The following ARHGAP40 variants were observed in gnomAD, a reference collection of about 807,000 sequenced individuals.
ARHGAP40 encodes Rho GTPase activating protein 40.
ARHGAP40 carries 43 observed loss-of-function variants against 73.5 expected under a neutral mutation model. That is an observed-to-expected ratio of 0.58 (90% CI 0.46 to 0.75). ARHGAP40 has a LOEUF of 0.75. ARHGAP40 is among the 30% of genes least tolerant of loss of function. ARHGAP40 has a pLI of 0.00. For synonymous variants in ARHGAP40, 300 were observed against 352.8 expected, an observed-to-expected ratio of 0.85 and a Z score of 1.68; for missense variants, 734 against 861.8, an observed-to-expected ratio of 0.85 and a Z score of 1.86.
In ARHGAP40 at chr20:38,641,136, C is replaced by T. The variant is rs116455565; in HGVS notation, c.1280-590C>T. On this transcript the variant is annotated intron_variant, in intron 9 of 14. Transcript: ENST00000373345. ...GGTAGGTAGGTAGGTCATATGGGGT[C>T]GCAGGCCTGGCGCCCAGGGTGCTCA... Among the ~76,000 whole-genome samples the T allele has an allele frequency of 7.4e-3, 1,120 of 151,978 alleles. 13 individuals are homozygous for T. Among genetic ancestry groups the T allele is most frequent in the African/African-American group, 0.025 (1,030 of 41,412 alleles).
At position 38,646,816 on chromosome 20, in the gene ARHGAP40, C is replaced by T. The variant is rs1337559795; in HGVS notation, c.1711-141C>T. On this transcript the variant is annotated intron_variant, in intron 12 of 14. Transcript: ENST00000373345. This position sits in a 1 kb window ranked among gnomAD's most constrained non-coding sequence, Gnocchi z 4.5. ...TGTCTGTGATCTGTGCCCAAGTGTCCGGTATGCGTGTGTGTGTATCTTGTG... is the reference window on the plus strand; with the variant it reads ...TGTCTGTGATCTGTGCCCAAGTGTCTGGTATGCGTGTGTGTGTATCTTGTG... The T allele has an allele frequency of 1.3e-5, 9 of 677,716 alleles. No individual in the cohort carries two copies. Among genetic ancestry groups the T allele is most frequent in the African/African-American group, 5.7e-5 (3 of 52,534 alleles). 42.0% of individuals were successfully genotyped at this position (677,716 alleles called of 1,614,324 possible).
chr20:38,641,576 A>T, intron 9 of ARHGAP40, 150 bp from the exon 10 acceptor site: 1 of 417,042 alleles, frequency 2.4e-6, no homozygotes, highest in Non-Finnish European at 4.1e-6. Context: ...AGCCAACATT[A>T]GACAAGGAAA....
chr20:38,647,431 C>T (rs1055321407), intron 13 of ARHGAP40, among the ~76,000 whole-genome samples: 1 of 152,138 alleles, frequency 6.6e-6, no homozygotes, highest in African/African-American at 2.4e-5. Flanking sequence ...AGCTCTGTCA[C>T]CCAGGCTGGA....
At chr20:38,638,641 C>G in intron 7 of ARHGAP40, 120 bp from the exon 8 acceptor site, 1 of 638,972 alleles carries the variant, frequency 1.6e-6, no homozygotes, top group African/African-American at 1.9e-5. Context: ...AATATTATTC[C>G]GAAGGAAACC....
chr20:38,617,272 C>T lies in ARHGAP40; in HGVS notation c.138-6087C>T, dbSNP rs554484276. 2.6e-5 allele frequency among the ~76,000 whole-genome samples: 4 copies of T among 152,322 alleles called. No individual in the cohort carries two copies. The South Asian group carries it at 6.2e-4, about 24-fold the overall frequency. On this transcript the variant is annotated intron_variant, in intron 1 of 14. Coordinates refer to ENST00000373345, the Ensembl canonical transcript of ARHGAP40. ...CTTTCGGCTTCCCTGAACAGGCTCT[C>T]GGCTTCGCTGAGCAGGCTCTTGCTT...
chr20:38,648,185 C>G (rs1181102980), intron 13 of ARHGAP40, among the ~76,000 whole-genome samples: 1 of 152,194 alleles, frequency 6.6e-6, no homozygotes, highest in Admixed American at 6.5e-5. Flanking sequence ...GAAAAGAGGC[C>G]ATGGAATTGA....
intron 3 of ARHGAP40, among the ~76,000 whole-genome samples, 164 bp from the exon 4 acceptor site, chr20:38,628,763 C>A (rs2088918755): frequency 6.6e-6 from 1 of 152,158 alleles, no homozygotes; most frequent in South Asian, 2.1e-4. Flanking sequence ...GTGCCCATTC[C>A]CCGACTTAGC....
chr20:38,606,587 A>T (rs1439379580), intron 1 of ARHGAP40, among the ~76,000 whole-genome samples: 2 of 152,166 alleles, frequency 1.3e-5, no homozygotes, highest in Non-Finnish European at 2.9e-5. Context: ...GCATCTTTTC[A>T]CATGCTCAGT....
exon 1 of ARHGAP40, chr20:38,601,949 G>A (rs556818740): frequency 1.9e-4 from 241 of 1,287,880 alleles, no homozygotes; most frequent in Non-Finnish European, 1.9e-4. Flanking sequence ...GCCCATGGCC[G>A]AGCCTGCCCT....
intron 11 of ARHGAP40, among the ~76,000 whole-genome samples, chr20:38,644,623 C>T (rs1291597646): frequency 7.0e-6 from 1 of 142,436 alleles, no homozygotes; most frequent in African/African-American, 2.9e-5. Context: ...GTCACCCACC[C>T]ACTCACCCAC....
At chr20:38,616,154 C>A (rs2088836691) in intron 1 of ARHGAP40, among the ~76,000 whole-genome samples, 1 of 152,246 alleles carries the variant, frequency 6.6e-6, no homozygotes, top group East Asian at 1.9e-4. Context: ...CAGCCACTCC[C>A]TGATGGTGGC....
At chr20:38,614,526 A>AG (rs1555890226) in intron 1 of ARHGAP40, among the ~76,000 whole-genome samples, 1 of 152,034 alleles carries the variant, frequency 6.6e-6, no homozygotes, top group South Asian at 2.1e-4. Context: ...GGGAAAAAAA[A>AG]CCATTGGCCA....
intron 1 of ARHGAP40, among the ~76,000 whole-genome samples, chr20:38,617,433 C>T (rs1220592037): frequency 6.6e-6 from 1 of 152,186 alleles, no homozygotes; most frequent in African/African-American, 2.4e-5. Context: ...GCAAAGCCCC[C>T]TTCTCTACCC....
intron 5 of ARHGAP40, among the ~76,000 whole-genome samples, chr20:38,632,822 T>C (rs564085171): frequency 6.6e-6 from 1 of 150,504 alleles, no homozygotes; most frequent in South Asian, 2.1e-4. Context: ...CAAAAATTTT[T>C]TTTAAATAAT....
chr20:38,626,635 CTG>C (rs2088899975), intron 2 of ARHGAP40, among the ~76,000 whole-genome samples: 1 of 152,228 alleles, frequency 6.6e-6, no homozygotes, highest in Non-Finnish European at 1.5e-5. Flanking sequence ...CCATGTGACC[CTG>C]TAGTGGTCTC....
At chr20:38,611,364 G>A (rs1381907776) in intron 1 of ARHGAP40, among the ~76,000 whole-genome samples, 4 of 150,878 alleles carry the variant, frequency 2.7e-5, no homozygotes. Flanking sequence ...TGGCTGGGGG[G>A]CTTAGGATTT....
chr20:38,602,058 G>T (rs774301227), exon 1 of ARHGAP40: 2 of 1,286,402 alleles, frequency 1.6e-6, no homozygotes, highest in East Asian at 5.6e-5. Context: ...TGCGCCCAGC[G>T]CTGGGCCGAC....
rs1021893276 is a variant in ARHGAP40 at position 38,615,391 on chromosome 20, A to G, written c.138-7968A>G. 73 of 736,562 alleles carry G rather than the reference A, an allele frequency of 9.9e-5. 1 individual carries two copies. The highest frequency in any genetic ancestry group is 8.7e-4 in the East Asian group (34 of 38,930). 45.6% of individuals were successfully genotyped at this position (736,562 alleles called of 1,614,324 possible). A position where few individuals can be genotyped will look rare whatever the true frequency, so the allele number is the denominator to read the frequency against. ...TAAAAGGCCCCAGGTACCCACCCCA[A>G]TGAGGTAGCTCTTGTCCAGACTGAA... On this transcript the variant is annotated intron_variant, in intron 1 of 14. Coordinates refer to ENST00000373345, the Ensembl canonical transcript of ARHGAP40.
intron 1 of ARHGAP40, chr20:38,615,337 CGGGGG>C: frequency 1.3e-6 from 1 of 770,614 alleles, no homozygotes; most frequent in Non-Finnish European, 2.4e-6. Flanking sequence ...TTGCCAGCCA[CGGGGG>C]TACTTCCACT....
Sources: gnomAD v4.1 joint callset for allele counts (sites outside exome capture counted in the v4.1 genomes callset) on GRCh38, gnomAD v4.1.1 for gene constraint, Gnocchi (gnomAD v3.1) non-coding constraint, MANE v1.5 for transcripts, NCBI Gene and HGNC (gene_info 2026-07-23, HGNC 2026-07-21) for gene names.